Variants in SGCZ observed in about 807,000 individuals in gnomAD.
SGCZ encodes the protein zeta-sarcoglycan.
SGCZ carries 40 observed loss-of-function variants against 41.3 expected under a neutral mutation model. The observed-to-expected ratio is 0.97, with a 90% CI of 0.75 to 1.26. The LOEUF is 1.26. Among genes scored for constraint, SGCZ ranks in the 50% most tolerant of loss-of-function variants. SGCZ has a pLI of 0.00. For synonymous variants in SGCZ, 206 were observed against 137.5 expected (o/e 1.50, Z -3.49); for missense variants, 552 against 369.8 (o/e 1.49, Z -4.04).
intron 4 of SGCZ, among the ~76,000 whole-genome samples, chr8:14,236,104 T>G (rs1319363676): frequency 6.6e-6 from 1 of 152,236 alleles, no homozygotes; most frequent in Non-Finnish European, 1.5e-5. Context: ...ATGGAAAATC[T>G]ACTAAGGTTA....
In SGCZ at chr8:14,587,395, G is replaced by A. The variant is rs567321157; in HGVS notation, c.40-32469C>T. On this transcript the variant is annotated intron_variant, in intron 1 of 7. Coordinates refer to ENST00000382080, the MANE Select transcript of SGCZ (RefSeq NM_139167.4). Reference sequence around the variant, plus strand: ...GAGCTAAAAAAAAAAAAAAAGTTTGGGTGTTGTGGCTCACAGATGTAATTC... The same window carrying A: ...GAGCTAAAAAAAAAAAAAAAGTTTGAGTGTTGTGGCTCACAGATGTAATTC... 1.4e-3 allele frequency among the ~76,000 whole-genome samples: 218 copies of A among 151,364 alleles called. 1 individual carries two copies. The highest frequency in any genetic ancestry group is 5.0e-3 in the African/African-American group (207 of 41,414).
chr8:14,234,768 A>T (rs142710902), intron 4 of SGCZ, among the ~76,000 whole-genome samples: 1 of 152,290 alleles, frequency 6.6e-6, no homozygotes, highest in Admixed American at 6.5e-5. Context: ...ACTTTTCTAC[A>T]TTGCTTGATT....
At chr8:14,479,731 C>CTTCTTTTT (rs1421864084) in intron 2 of SGCZ, among the ~76,000 whole-genome samples, 8 of 52,974 alleles carry the variant, frequency 1.5e-4, no homozygotes, top group African/African-American at 4.0e-4. Context: ...AATTCTACTT[C>CTTCTTTTT]TTTTTTTTTT....
chr8:14,504,493 G>A (rs1238739760), intron 2 of SGCZ, among the ~76,000 whole-genome samples: 3 of 152,000 alleles, frequency 2.0e-5, no homozygotes, highest in African/African-American at 7.2e-5. Flanking sequence ...TTGGTTTCTT[G>A]ATTTATTTAT....
chr8:14,633,930 A>G (rs1295903570), intron 1 of SGCZ, among the ~76,000 whole-genome samples: 1 of 151,872 alleles, frequency 6.6e-6, no homozygotes. Context: ...ATAAAGGTCA[A>G]TTTTCGCAGT....
At chr8:14,099,931 A>G (rs1258201590) in intron 7 of SGCZ, among the ~76,000 whole-genome samples, 2 of 152,114 alleles carry the variant, frequency 1.3e-5, no homozygotes, top group Non-Finnish European at 2.9e-5. Flanking sequence ...ATACAATTTC[A>G]TTCTTCTACA....
At chr8:15,172,154 G>GTTTTTT (rs1183210302) in intron 1 of SGCZ, among the ~76,000 whole-genome samples, 43 of 71,764 alleles carry the variant, frequency 6.0e-4, no homozygotes, top group African/African-American at 1.8e-3. Flanking sequence ...TTTATACTCT[G>GTTTTTT]TTTTTTTTTT....
chr8:14,130,568 G>A (rs1159539396), intron 5 of SGCZ, among the ~76,000 whole-genome samples: 1 of 152,178 alleles, frequency 6.6e-6, no homozygotes, highest in African/African-American at 2.4e-5. Context: ...CAGCAAGTGA[G>A]TGGAGGTAAC....
At chr8:14,350,401 T>C (rs1324786356) in intron 2 of SGCZ, among the ~76,000 whole-genome samples, 3 of 152,168 alleles carry the variant, frequency 2.0e-5, no homozygotes, top group Admixed American at 1.3e-4. Context: ...TGGAGTTGTA[T>C]TGAATACTAT....
chr8:14,438,413 T>G (rs967260248), intron 2 of SGCZ, among the ~76,000 whole-genome samples: 8 of 151,976 alleles, frequency 5.3e-5, no homozygotes, highest in Non-Finnish European at 8.8e-5. Context: ...CACACCCAAA[T>G]TATGATACTT....
chr8:14,699,536 C>G (rs1270749335), intron 1 of SGCZ, among the ~76,000 whole-genome samples: 4 of 151,818 alleles, frequency 2.6e-5, no homozygotes, highest in Non-Finnish European at 5.9e-5. Flanking sequence ...CTAGAAAATA[C>G]CATTCTGGAC....
At chr8:14,593,567 T>G (rs1805308539) in intron 1 of SGCZ, among the ~76,000 whole-genome samples, 1 of 152,338 alleles carries the variant, frequency 6.6e-6, no homozygotes, top group East Asian at 1.9e-4. Flanking sequence ...GGTATTAATT[T>G]TCAGTTTGGA....
chr8:14,362,460 C>T (rs532707979), intron 2 of SGCZ, among the ~76,000 whole-genome samples: 10 of 152,306 alleles, frequency 6.6e-5, no homozygotes, highest in African/African-American at 2.2e-4. Flanking sequence ...GACTGCTGCA[C>T]TAGCAGCCAG....
intron 1 of SGCZ, among the ~76,000 whole-genome samples, chr8:14,575,886 A>G (rs1804692280): frequency 6.8e-6 from 1 of 147,348 alleles, no homozygotes; most frequent in East Asian, 2.0e-4. Flanking sequence ...AGCCTGGGCA[A>G]CAGAGTGAGA....
intron 1 of SGCZ, among the ~76,000 whole-genome samples, chr8:15,007,662 T>G (rs997823434): frequency 6.6e-6 from 1 of 152,216 alleles, no homozygotes; most frequent in Non-Finnish European, 1.5e-5. Context: ...TTTCATTAAA[T>G]GGAAAAAGAA....
intron 3 of SGCZ, among the ~76,000 whole-genome samples, chr8:14,253,268 G>GTA (rs1799350538): frequency 6.6e-6 from 1 of 151,712 alleles, no homozygotes; most frequent in Admixed American, 6.6e-5. Flanking sequence ...GTGTGTGTGT[G>GTA]TGTGTATCAG....
intron 2 of SGCZ, among the ~76,000 whole-genome samples, chr8:14,495,068 G>C (rs1427759919): frequency 1.3e-5 from 2 of 152,122 alleles, no homozygotes; most frequent in African/African-American, 4.8e-5. Flanking sequence ...TTCTTCATGG[G>C]CATAAATTTA....
chr8:14,897,338 C>T (rs1805237891), intron 1 of SGCZ, among the ~76,000 whole-genome samples: 1 of 152,184 alleles, frequency 6.6e-6, no homozygotes. Context: ...AGTGAAAGCA[C>T]TGCTTAAGAA....
chr8:15,158,166 CA>C (rs34637082), intron 1 of SGCZ, among the ~76,000 whole-genome samples: 1,724 of 146,898 alleles, frequency 0.012, 32 homozygotes, highest in African/African-American at 0.037. Context: ...TAGTTTGCCA[CA>C]AAAAAAAAAA....
Sources: allele counts gnomAD v4.1 joint callset (sites outside exome capture counted in the v4.1 genomes callset), GRCh38; gene constraint gnomAD v4.1.1; transcripts MANE v1.5; gene names NCBI Gene and HGNC (gene_info 2026-07-23, HGNC 2026-07-21).